Variants in GABRB1 observed in about 807,000 individuals in gnomAD.
GABRB1 encodes gamma-aminobutyric acid type A receptor subunit beta1.
GABRB1 carries 17 observed loss-of-function variants against 51.6 expected under a neutral mutation model. That is an observed-to-expected ratio of 0.33 (90% CI 0.23 to 0.49). The LOEUF (loss-of-function observed/expected upper bound fraction) is 0.49. GABRB1 is among the 20% of genes least tolerant of loss of function. GABRB1 has a pLI of 0.99. For synonymous variants in GABRB1, 247 were observed against 218.9 expected (o/e 1.13, Z -1.14); for missense variants, 410 against 600.6 (o/e 0.68, Z 3.32).
chr4:47,308,942 C>G (rs1236369373), intron 4 of GABRB1, among the ~76,000 whole-genome samples: 6 of 152,082 alleles, frequency 3.9e-5, no homozygotes, highest in Non-Finnish European at 7.4e-5. Context: ...CAAGTCCTGG[C>G]AATTTGTCCA....
At chr4:47,121,644 A>T (rs1384665516) in intron 3 of GABRB1, among the ~76,000 whole-genome samples, 5 of 152,184 alleles carry the variant, frequency 3.3e-5, no homozygotes, top group Non-Finnish European at 7.3e-5. Context: ...CTAAATTGAG[A>T]TGTATCTAAG....
rs1231212169 is a variant in GABRB1 at position 47,031,577 on chromosome 4, T to G, written c.-75T>G. The stretch of plus-strand genomic sequence containing the variant: ...CGCATGCGCAGGTCCATTCGGGAAT[T>G]ACTGCCCAGCAGCCGACTAAGTTGC... On this transcript the variant is annotated 5_prime_UTR_variant, in exon 1 of 9. The change creates a new upstream start codon in the 5' untranslated region. Coordinates refer to ENST00000295454, the MANE Select transcript of GABRB1 (RefSeq NM_000812.4). The G allele has an allele frequency of 1.6e-6, 2 of 1,270,060 alleles. No individual in the cohort carries two copies. Among genetic ancestry groups the G allele is most frequent in the Non-Finnish European group, 2.3e-6 (2 of 868,196 alleles). The allele number at this position is 1,270,060 out of a possible 1,614,324, so 78.7% of individuals were successfully genotyped here. A position where few individuals can be genotyped will look rare whatever the true frequency, so the allele number is the denominator to read the frequency against.
intron 8 of GABRB1, among the ~76,000 whole-genome samples, chr4:47,421,361 G>A (rs1270627597): frequency 6.6e-6 from 1 of 152,042 alleles, no homozygotes; most frequent in African/African-American, 2.4e-5. Flanking sequence ...TTCACTAGCC[G>A]ATTCTAAACT....
At chr4:47,267,035 G>A (rs1485881969) in intron 4 of GABRB1, among the ~76,000 whole-genome samples, 1 of 151,974 alleles carries the variant, frequency 6.6e-6, no homozygotes, top group Non-Finnish European at 1.5e-5. Flanking sequence ...AAGAAGATAC[G>A]ACAATTCTAA....
chr4:47,037,640 A>G (rs1725648293), intron 3 of GABRB1, among the ~76,000 whole-genome samples: 1 of 150,800 alleles, frequency 6.6e-6, no homozygotes, highest in Admixed American at 6.6e-5. Context: ...AAAGCCTGGG[A>G]TTTTAGGATT....
intron 4 of GABRB1, among the ~76,000 whole-genome samples, chr4:47,187,915 C>T (rs1341102546): frequency 6.6e-6 from 1 of 151,928 alleles, no homozygotes; most frequent in African/African-American, 2.4e-5. Flanking sequence ...TCCACAAAGC[C>T]AGCTACTTTA....
intron 3 of GABRB1, among the ~76,000 whole-genome samples, chr4:47,100,376 A>C (rs1714670372): frequency 6.6e-6 from 1 of 152,116 alleles, no homozygotes; most frequent in African/African-American, 2.4e-5. Flanking sequence ...GAAAGAAGTC[A>C]AGAAAGCTGG....
chr4:47,388,466 T>C (rs764394921), intron 5 of GABRB1, among the ~76,000 whole-genome samples: 18 of 152,260 alleles, frequency 1.2e-4, no homozygotes, highest in Non-Finnish European at 2.2e-4. Context: ...AGGTCCTAGA[T>C]CTGGTTGGAA....
chr4:47,031,261 A>G, upstream of GABRB1: 1 of 198,052 alleles, frequency 5.0e-6, no homozygotes, highest in African/African-American at 2.3e-5. Context: ...TGTCAACGAA[A>G]GATGCCAATC....
intron 5 of GABRB1, among the ~76,000 whole-genome samples, chr4:47,362,085 C>T (rs79355681): frequency 1.3e-5 from 2 of 152,220 alleles, no homozygotes; most frequent in African/African-American, 4.8e-5. Context: ...TGACAAGGAG[C>T]TTCCGTATAA....
At chr4:47,124,550 A>C (rs193013155) in intron 3 of GABRB1, among the ~76,000 whole-genome samples, 3 of 152,302 alleles carry the variant, frequency 2.0e-5, no homozygotes, top group Admixed American at 2.0e-4. Flanking sequence ...CTGACAAAAA[A>C]ATTCTAAATA....
intron 5 of GABRB1, among the ~76,000 whole-genome samples, chr4:47,330,016 C>A (rs1167781329): frequency 6.6e-6 from 1 of 152,032 alleles, no homozygotes; most frequent in Non-Finnish European, 1.5e-5. Flanking sequence ...GAATTGATAG[C>A]GTAACTCTAG....
At chr4:47,093,052 C>T (rs893333346) in intron 3 of GABRB1, among the ~76,000 whole-genome samples, 9 of 152,162 alleles carry the variant, frequency 5.9e-5, no homozygotes, top group African/African-American at 2.2e-4. Context: ...CTTGGTTTTA[C>T]AGGAAATTGT....
At chr4:46,994,422 G>A (rs1723905325) in intron 1 of GABRB1, 1 of 150,968 alleles carries the variant, frequency 6.6e-6, no homozygotes, top group Non-Finnish European at 1.5e-5. Flanking sequence ...TAGGTAGGGG[G>A]AAAGGACGGC....
intron 1 of GABRB1, among the ~76,000 whole-genome samples, chr4:47,021,560 G>A (rs1724929898): frequency 6.6e-6 from 1 of 152,086 alleles, no homozygotes; most frequent in Non-Finnish European, 1.5e-5. Flanking sequence ...CTTCAATAAT[G>A]TGCGGTCTTC....
chr4:47,389,790 G>T (rs1398093974), intron 5 of GABRB1, among the ~76,000 whole-genome samples: 1 of 152,202 alleles, frequency 6.6e-6, no homozygotes, highest in African/African-American at 2.4e-5. Flanking sequence ...TAACTCTGTA[G>T]TGTAAAGCAA....
chr4:47,135,356 C>T (rs1280052421), intron 3 of GABRB1, among the ~76,000 whole-genome samples: 2 of 152,052 alleles, frequency 1.3e-5, no homozygotes, highest in African/African-American at 4.8e-5. Flanking sequence ...GACACTGAGT[C>T]ATCCTTCATG....
At chr4:47,014,841 G>T (rs1027833232) in intron 1 of GABRB1, among the ~76,000 whole-genome samples, 2 of 152,080 alleles carry the variant, frequency 1.3e-5, no homozygotes, top group African/African-American at 4.8e-5. Context: ...ATAGAATAAG[G>T]CTATAGAAAG....
rs773055387 is a variant in GABRB1 at position 47,425,859 on chromosome 4, G to T, written c.1266G>T (p.Gly422=). Residue 422 remains glycine, a synonymous_variant, in exon 9 of 9, where the codon GGG becomes GGT. Coordinates refer to ENST00000295454, the MANE Select transcript of GABRB1 (RefSeq NM_000812.4). The stretch of plus-strand genomic sequence containing the variant: ...ACGGGCGCGCCCTGGACCGGCACGG[G>T]GTACCCAGCAAGGGGCGCATCCGCA... ...EAYGRALDRH[G]VPSKGRIRRR... The T allele has an allele frequency of 1.2e-6, 2 of 1,614,140 alleles. No homozygotes were observed. The highest frequency in any genetic ancestry group is 8.5e-7 in the Non-Finnish European group (1 of 1,180,024).
Sources: allele counts gnomAD v4.1 joint callset (sites outside exome capture counted in the v4.1 genomes callset), GRCh38; gene constraint gnomAD v4.1.1; transcripts MANE v1.5; gene names NCBI Gene and HGNC (gene_info 2026-07-23, HGNC 2026-07-21).